Variants in ADAMTSL1 observed in about 807,000 individuals in gnomAD.
ADAMTSL1 encodes the protein ADAMTS like 1, also known as ADAMTS-like protein 1.
In ADAMTSL1, 126 loss-of-function variants were observed where a neutral mutation model predicts 201.8. The ratio of observed to expected loss-of-function variants is 0.62; its 90% CI spans 0.54 to 0.72. The LOEUF (loss-of-function observed/expected upper bound fraction) is 0.72. ADAMTSL1 is among the 30% of genes least tolerant of loss of function. The pLI is 0.00. For synonymous variants in ADAMTSL1, 1,121 were observed against 903.4 expected, an observed-to-expected ratio of 1.24 and a Z score of -4.32; for missense variants, 2,679 against 2,277.8, an observed-to-expected ratio of 1.18 and a Z score of -3.59.
intron 2 of ADAMTSL1, among the ~76,000 whole-genome samples, chr9:18,446,745 A>T (rs1168124150): frequency 6.6e-6 from 1 of 152,224 alleles, no homozygotes; most frequent in Non-Finnish European, 1.5e-5. Context: ...ACATGTTCTT[A>T]CCTATGTCAT....
chr9:18,784,024 TTA>T (rs1244570141), intron 19 of ADAMTSL1, among the ~76,000 whole-genome samples: 3 of 152,210 alleles, frequency 2.0e-5, no homozygotes, highest in Non-Finnish European at 4.4e-5. Context: ...TGACATCCAG[TTA>T]TCTCTCCAGC....
chr9:18,110,576 A>G (rs1001435196), intron 1 of ADAMTSL1, among the ~76,000 whole-genome samples: 10 of 152,110 alleles, frequency 6.6e-5, no homozygotes, highest in Non-Finnish European at 1.2e-4. Context: ...TTTTTGAGCT[A>G]GTGATTCACT....
intron 2 of ADAMTSL1, among the ~76,000 whole-genome samples, chr9:18,425,030 G>T (rs553925498): frequency 1.1e-4 from 17 of 152,128 alleles, no homozygotes; most frequent in African/African-American, 3.4e-4. Flanking sequence ...AAAGGAAGTC[G>T]TACAATGTTT....
intron 3 of ADAMTSL1, among the ~76,000 whole-genome samples, chr9:18,561,752 G>A (rs1821517037): frequency 6.6e-6 from 1 of 152,096 alleles, no homozygotes. Context: ...TCTTCTTGTT[G>A]CATTGATCCC....
At chr9:18,580,683 G>T (rs748460427) in intron 4 of ADAMTSL1, among the ~76,000 whole-genome samples, 16 of 152,064 alleles carry the variant, frequency 1.1e-4, no homozygotes, top group Non-Finnish European at 2.1e-4. Context: ...CTTTCCATAG[G>T]AGTGATACAT....
Position 18,500,718 on chromosome 9 carries a change from T to A in ADAMTSL1, c.64-4111T>A, listed in dbSNP as rs573185554. Among the ~76,000 whole-genome samples, 85 of 152,334 alleles carry A rather than the reference T, an allele frequency of 5.6e-4. 1 individual carries two copies. Among genetic ancestry groups the A allele is most frequent in the Middle Eastern group, 6.8e-3 (2 of 294 alleles). ...ATCCAATGCCTGTAAAGTAAAATAG[T>A]TGCTGTAATAAGAAAGGGTTTTATA... is the stretch of plus-strand genomic sequence containing the variant. On this transcript the variant is annotated intron_variant, in intron 1 of 28. Transcript: ENST00000380548.
At chr9:18,346,146 C>T (rs998053665) in intron 2 of ADAMTSL1, among the ~76,000 whole-genome samples, 13 of 152,136 alleles carry the variant, frequency 8.5e-5, no homozygotes, top group African/African-American at 2.9e-4. Flanking sequence ...TTAACAAACA[C>T]ATTGATCTTA....
chr9:18,263,356 T>C (rs1831995845), intron 2 of ADAMTSL1, among the ~76,000 whole-genome samples: 1 of 152,168 alleles, frequency 6.6e-6, no homozygotes, highest in Non-Finnish European at 1.5e-5. Flanking sequence ...CCTGATCTTT[T>C]CTTTACCTTT....
intron 1 of ADAMTSL1, among the ~76,000 whole-genome samples, chr9:18,145,943 C>G (rs899099010): frequency 2.0e-5 from 3 of 152,028 alleles, no homozygotes; most frequent in Non-Finnish European, 2.9e-5. Flanking sequence ...GACACTGCAT[C>G]AAAGAGAATA....
intron 4 of ADAMTSL1, among the ~76,000 whole-genome samples, chr9:18,621,157 G>T (rs1250542767): frequency 1.3e-5 from 2 of 152,174 alleles, no homozygotes; most frequent in Non-Finnish European, 2.9e-5. Context: ...TAGTTTGGGA[G>T]TAGAATAAAT....
At chr9:18,381,804 C>A (rs1837569602) in intron 2 of ADAMTSL1, among the ~76,000 whole-genome samples, 1 of 151,700 alleles carries the variant, frequency 6.6e-6, no homozygotes, top group Non-Finnish European at 1.5e-5. Flanking sequence ...GACTTTGATT[C>A]CCTTCACATG....
chr9:18,083,722 G>A (rs1380579244), intron 1 of ADAMTSL1, among the ~76,000 whole-genome samples: 5 of 152,118 alleles, frequency 3.3e-5, no homozygotes, highest in East Asian at 1.9e-4. Flanking sequence ...GGACAACCTC[G>A]TCCATAAGAC....
chr9:18,160,023 C>G (rs1453403349), intron 1 of ADAMTSL1, among the ~76,000 whole-genome samples: 1 of 151,992 alleles, frequency 6.6e-6, no homozygotes, highest in Non-Finnish European at 1.5e-5. Context: ...TCTGAAACAT[C>G]TCTAGATGAT....
intron 1 of ADAMTSL1, among the ~76,000 whole-genome samples, chr9:17,924,475 A>G (rs1826439787): frequency 6.6e-6 from 1 of 151,894 alleles, no homozygotes; most frequent in African/African-American, 2.4e-5. Flanking sequence ...GGTGATATCC[A>G]AAACAGCATG....
intron 13 of ADAMTSL1, among the ~76,000 whole-genome samples, chr9:18,688,908 G>C: frequency 6.6e-6 from 1 of 150,988 alleles, no homozygotes; most frequent in East Asian, 1.9e-4. Flanking sequence ...TACTAGAAAA[G>C]GGGGGATGGG....
At chr9:18,500,573 A>G (rs10963618) in intron 1 of ADAMTSL1, among the ~76,000 whole-genome samples, 1 of 152,140 alleles carries the variant, frequency 6.6e-6, no homozygotes, top group African/African-American at 2.4e-5. Flanking sequence ...TCTAAATTTA[A>G]TAACTCAAGG....
chr9:17,972,508 G>A (rs1044170068), intron 1 of ADAMTSL1, among the ~76,000 whole-genome samples: 3 of 151,378 alleles, frequency 2.0e-5, no homozygotes, highest in African/African-American at 7.3e-5. Context: ...ATTTTTTATG[G>A]CTGCATAGTA....
chr9:17,926,480 C>G lies in ADAMTSL1; in HGVS notation c.87+19558C>G, dbSNP rs1244790212. ...ATCCATGCTGACGGCAGCTCCATCT[C>G]AACCCGCATTTCCATAGCCACCCAG... On this transcript the variant is annotated intron_variant, in intron 1 of 29. Transcript: ENST00000680146. Among the ~76,000 whole-genome samples the G allele has an allele frequency of 2.0e-5, 3 of 152,184 alleles. No individual in the cohort carries two copies. The South Asian group carries it at 6.2e-4, about 32-fold the overall frequency.
At chr9:18,431,684 A>G (rs1360782841) in intron 2 of ADAMTSL1, among the ~76,000 whole-genome samples, 1 of 151,972 alleles carries the variant, frequency 6.6e-6, no homozygotes, top group Non-Finnish European at 1.5e-5. Context: ...GATAAAGAAA[A>G]TTTCTCAGCT....
Sources: gnomAD v4.1 joint callset for allele counts (sites outside exome capture counted in the v4.1 genomes callset) on GRCh38, gnomAD v4.1.1 for gene constraint, MANE v1.5 for transcripts, NCBI Gene and HGNC (gene_info 2026-07-23, HGNC 2026-07-21) for gene names.